The following RPS24 variants were observed in gnomAD, a reference collection of about 807,000 sequenced individuals.
RPS24 encodes ribosomal protein S24.
For synonymous variants in RPS24, 72 were observed against 55.6 expected, an observed-to-expected ratio of 1.30 and a Z score of -1.31; for missense variants, 100 against 162.5, an observed-to-expected ratio of 0.62 and a Z score of 2.09.
chr10:78,047,045 C>T (rs185511587), intron 4 of RPS24, among the ~76,000 whole-genome samples: 191 of 151,970 alleles, frequency 1.3e-3, no homozygotes, highest in Admixed American at 4.4e-3. Context: ...ACTGCAACCT[C>T]CGCCTCCTGG....
At chr10:78,051,196 A>G (rs1381064530) in intron 4 of RPS24, among the ~76,000 whole-genome samples, 2 of 152,218 alleles carry the variant, frequency 1.3e-5, no homozygotes, top group Non-Finnish European at 2.9e-5. Context: ...TCTGTCTCAA[A>G]CAACAACAAA....
intron 4 of RPS24, among the ~76,000 whole-genome samples, chr10:78,054,119 A>G (rs1039536102): frequency 6.6e-6 from 1 of 151,916 alleles, no homozygotes; most frequent in African/African-American, 2.4e-5. Flanking sequence ...CTTGGCCTGG[A>G]GTGCTGTTGG....
rs1313738127 is a variant in RPS24 at position 78,054,915 on chromosome 10, C to T, written c.775C>T (p.Gln259Ter). 3 of 1,528,824 alleles carry T rather than the reference C, an allele frequency of 2.0e-6. No homozygotes were observed. Among genetic ancestry groups the T allele is most frequent in the South Asian group, 2.5e-5 (2 of 81,244 alleles). 94.7% of individuals were successfully genotyped at this position (1,528,824 alleles called of 1,614,324 possible). A position where few individuals can be genotyped will look rare whatever the true frequency, so the allele number is the denominator to read the frequency against. Residue 259 changes from glutamine (Q) to a stop codon, truncating the protein, a stop_gained, in exon 5 of 5, where the codon CAG becomes TAG. Coordinates refer to the RPS24 transcript ENST00000440692. LOFTEE classifies it low-confidence loss of function (END_TRUNC). Reference sequence around the variant, plus strand: ...AACCTTGACTCTGTCACCCCACATCCAGGCCATCAACAAGTCTTTTGGCCC... The same window carrying T: ...AACCTTGACTCTGTCACCCCACATCTAGGCCATCAACAAGTCTTTTGGCCC...
chr10:78,053,833 G>C (rs1334643267), intron 4 of RPS24, among the ~76,000 whole-genome samples: 6 of 152,200 alleles, frequency 3.9e-5, no homozygotes, highest in Non-Finnish European at 8.8e-5. Flanking sequence ...AGGGCTGGAA[G>C]TGGGTAGACA....
downstream of RPS24, among the ~76,000 whole-genome samples, chr10:78,044,812 T>C (rs1028919792): frequency 6.6e-6 from 1 of 150,536 alleles, no homozygotes; most frequent in African/African-American, 2.5e-5. Flanking sequence ...TTCAGTGTTT[T>C]GGTTAAAGAA....
At chr10:78,034,724 C>T (rs151182630) in intron 1 of RPS24, among the ~76,000 whole-genome samples, 9 of 152,176 alleles carry the variant, frequency 5.9e-5, no homozygotes, top group Admixed American at 2.0e-4. Flanking sequence ...AAGGGAATAT[C>T]GTTTTCTCTG....
intron 1 of RPS24, 37 bp downstream of exon 1, chr10:78,033,941 T>C (rs777199768): frequency 2.0e-5 from 33 of 1,613,502 alleles, no homozygotes; most frequent in Non-Finnish European, 2.8e-5. Context: ...ATCTGCCGCG[T>C]ATCCGAGCCA....
intron 4 of RPS24, among the ~76,000 whole-genome samples, chr10:78,052,799 G>T (rs1848112567): frequency 6.6e-6 from 1 of 152,322 alleles, no homozygotes. Context: ...ATTTGTCCTG[G>T]AGTGTGGAGT....
At chr10:78,037,107 C>T in intron 3 of RPS24, 87 bp from the exon 4 acceptor site, 17 of 1,510,642 alleles carry the variant, frequency 1.1e-5, no homozygotes, top group East Asian at 4.9e-5. Context: ...GTTTCTTAAG[C>T]TCAGACTGGG....
chr10:78,040,419 T>C, intron 5 of RPS24, 194 bp downstream of exon 5: 2 of 709,216 alleles, frequency 2.8e-6, no homozygotes, highest in East Asian at 5.4e-5. Flanking sequence ...AGCCCATTAT[T>C]TTTGTTTTAT....
chr10:78,054,496 C>G (rs1434155058), intron 4 of RPS24: 1 of 1,500,594 alleles, frequency 6.7e-7, no homozygotes, highest in Admixed American at 2.1e-5. Context: ...CCTGGACAAT[C>G]CTCTGAGACT....
At chr10:78,054,402 G>A in intron 4 of RPS24, 2 of 872,906 alleles carry the variant, frequency 2.3e-6, no homozygotes. Context: ...CTTTGGCTCT[G>A]ACTGCTGCTG....
intron 4 of RPS24, among the ~76,000 whole-genome samples, chr10:78,054,191 C>T (rs990966474): frequency 6.6e-6 from 1 of 152,016 alleles, no homozygotes; most frequent in African/African-American, 2.4e-5. Flanking sequence ...GGGAAGGAGC[C>T]GCTGGCACTG....
intron 4 of RPS24, among the ~76,000 whole-genome samples, chr10:78,046,346 CTT>C (rs57003851): frequency 1.7e-4 from 21 of 126,120 alleles, no homozygotes; most frequent in African/African-American, 4.8e-4. Context: ...TCTCATTTAC[CTT>C]TTTTTTTTTT....
chr10:78,036,511 G>C (rs191809356), intron 3 of RPS24: 1 of 153,462 alleles, frequency 6.5e-6, no homozygotes, highest in East Asian at 1.9e-4. Flanking sequence ...TCACCATGTT[G>C]GTCAGCCTGG....
At chr10:78,047,344 G>A (rs942015934) in intron 4 of RPS24, among the ~76,000 whole-genome samples, 36 of 152,168 alleles carry the variant, frequency 2.4e-4, no homozygotes, top group African/African-American at 8.7e-4. Flanking sequence ...TAGGGAAGGG[G>A]AGGATATTCC....
At chr10:78,052,555 A>G (rs970710892) in intron 4 of RPS24, among the ~76,000 whole-genome samples, 12 of 152,306 alleles carry the variant, frequency 7.9e-5, no homozygotes, top group East Asian at 1.9e-4. Context: ...AGCTGCCGCC[A>G]TGGGAGGTAG....
chr10:78,054,929 G>A (rs1848136126), exon 5 of RPS24: 1 of 1,515,690 alleles, frequency 6.6e-7, no homozygotes, highest in Non-Finnish European at 8.9e-7. Flanking sequence ...CCATCAACAA[G>A]TCTTTTGGCC....
chr10:78,043,665 A>G (rs914852900), downstream of RPS24, among the ~76,000 whole-genome samples: 1 of 152,192 alleles, frequency 6.6e-6, no homozygotes, highest in African/African-American at 2.4e-5. Context: ...GTAGTTAATG[A>G]CGATCCCATG....
Sources: allele counts gnomAD v4.1 joint callset (sites outside exome capture counted in the v4.1 genomes callset), GRCh38; gene constraint gnomAD v4.1.1; transcripts MANE v1.5; gene names NCBI Gene and HGNC (gene_info 2026-07-23, HGNC 2026-07-21).